The following TPCN2 variants were observed in gnomAD, a reference collection of about 807,000 sequenced individuals.
TPCN2 encodes two pore segment channel 2, also known as two pore channel protein 2.
Under a neutral mutation model 111.4 loss-of-function variants are expected in TPCN2, and 92 were observed. The ratio of observed to expected loss-of-function variants is 0.83; its 90% CI spans 0.70 to 0.98. TPCN2 has a LOEUF of 0.98. Among genes scored for constraint, TPCN2 ranks in the 50% least tolerant of loss-of-function variants. The probability of loss-of-function intolerance (pLI) is 0.00; values close to 1 mark genes in which losing one functional copy is unlikely to be tolerated. For synonymous variants in TPCN2, 405 were observed against 414.5 expected (o/e 0.98, Z 0.28); for missense variants, 995 against 980.1 (o/e 1.02, Z -0.20).
chr11:69,063,960 G>C lies in TPCN2; in HGVS notation c.719G>C (p.Gly240Ala). ...ATGTTCGGAATGCTGCTGTTCGCTG[G>C]TGGGAAGGTAGGGCACCCGTGGTCA... Reference protein sequence around the residue: ...FTMFGMLLFAGGKQDDGQDRE... With the variant: ...FTMFGMLLFAAGKQDDGQDRE... Residue 240 changes from glycine (G) to alanine (A), a missense_variant, in exon 7 of 25, where the codon GGT becomes GCT. By Grantham distance (60) the Gly-to-Ala change is moderately conservative. Transcript: ENST00000294309. 1.9e-6 allele frequency: 3 copies of C among 1,614,098 alleles called. No individual in the cohort carries two copies. The highest frequency in any genetic ancestry group is 2.5e-6 in the Non-Finnish European group (3 of 1,179,992).
At chr11:69,072,863 G>A in intron 12 of TPCN2, 52 bp from the exon 13 acceptor site, 2 of 1,554,736 alleles carry the variant, frequency 1.3e-6, no homozygotes, top group Non-Finnish European at 8.9e-7. Flanking sequence ...TCACCTTCGA[G>A]GGCGCTCACC....
intron 6 of TPCN2, among the ~76,000 whole-genome samples, chr11:69,063,221 A>G (rs1234404900): frequency 6.6e-6 from 1 of 151,510 alleles, no homozygotes; most frequent in Non-Finnish European, 1.5e-5. Flanking sequence ...AGGGCTGCAA[A>G]CACCGCGGCC....
rs1861089923 is a variant in TPCN2, at chr11:69,049,030, G to T, written c.33G>T (p.Leu11=). 1 of 1,241,450 alleles carries T rather than the reference G, an allele frequency of 8.1e-7. No homozygotes were observed. The highest frequency in any genetic ancestry group is 1.0e-6 in the Non-Finnish European group (1 of 988,498). The allele number at this position is 1,241,450 out of a possible 1,614,324, so 76.9% of individuals were successfully genotyped here. A position where few individuals can be genotyped will look rare whatever the true frequency, so the allele number is the denominator to read the frequency against. The change falls in exon 1 of 25, where the codon CTG becomes CTT. Residue 11 remains leucine, a synonymous_variant. Transcript: ENST00000294309. MAEPQAESEP[L]LGGARGGGGD... The stretch of plus-strand genomic sequence containing the variant: ...AACCCCAGGCGGAGTCGGAGCCCCT[G>T]CTGGGCGGGGCCCGCGGCGGTGGCG...
chr11:69,051,006 A>T (rs530091337), intron 1 of TPCN2, among the ~76,000 whole-genome samples: 1 of 152,238 alleles, frequency 6.6e-6, no homozygotes, highest in African/African-American at 2.4e-5. Flanking sequence ...GTCCCCAGCA[A>T]GGACTGGCAG....
intron 1 of TPCN2, among the ~76,000 whole-genome samples, chr11:69,052,644 A>C (rs1434767106): frequency 6.6e-6 from 1 of 151,984 alleles, no homozygotes; most frequent in African/African-American, 2.4e-5. Flanking sequence ...GGCCCCTCAC[A>C]CCTCTAATCC....
chr11:69,062,978 C>CG lies in TPCN2; in HGVS notation c.643dup (p.Glu215GlyfsTer31). 1.2e-6 allele frequency: 2 copies of CG among 1,613,884 alleles called. No homozygotes were observed. Among genetic ancestry groups the CG allele is most frequent in the South Asian group, 2.2e-5 (2 of 91,084 alleles). On this transcript the variant is annotated frameshift_variant, in exon 6 of 25. Coordinates refer to ENST00000294309, the MANE Select transcript of TPCN2 (RefSeq NM_139075.4). LOFTEE classifies it high-confidence loss of function. ...TTGAAATGCATCCGCTGGTCGCTGC[C>CG]GGAAATGGCCAGGTGGGCTCTTGGT... is the stretch of plus-strand genomic sequence containing the variant.
intron 20 of TPCN2, 57 bp from the exon 21 acceptor site, chr11:69,085,614 A>G (rs1201072345): frequency 3.5e-6 from 4 of 1,144,342 alleles, no homozygotes; most frequent in Admixed American, 1.7e-5. Flanking sequence ...GGTGTAAGGT[A>G]TCAGGCCTCA....
At chr11:69,085,591 A>G (rs902484367) in intron 20 of TPCN2, 80 bp from the exon 21 acceptor site, 1 of 972,358 alleles carries the variant, frequency 1.0e-6, no homozygotes, top group South Asian at 1.4e-5. Flanking sequence ...TGAGCACGCC[A>G]GCAGAGGAAA....
At chr11:69,049,169 C>T (rs906742701) in intron 1 of TPCN2, 63 bp downstream of exon 1, 5 of 1,055,382 alleles carry the variant, frequency 4.7e-6, no homozygotes, top group Non-Finnish European at 6.1e-6. Flanking sequence ...GTGGGGGTCC[C>T]GCTGTCCCAG....
intron 17 of TPCN2, 151 bp downstream of exon 17, chr11:69,080,034 G>A: frequency 1.4e-6 from 1 of 698,966 alleles, no homozygotes; most frequent in Non-Finnish European, 2.4e-6. Flanking sequence ...CGATCCCACA[G>A]CAGAGGCTGT....
chr11:69,059,835 GGGGCTGTCTC>G (rs1406496756), intron 5 of TPCN2, among the ~76,000 whole-genome samples: 3 of 152,242 alleles, frequency 2.0e-5, no homozygotes, highest in African/African-American at 7.2e-5. Flanking sequence ...CTGTTGTCAG[GGGGCTGTCTC>G]GGGCTGGTAC....
In TPCN2 at chr11:69,078,767, G is replaced by C; in HGVS notation, c.1384G>C (p.Ala462Pro). 1 of 1,614,086 alleles carries C rather than the reference G, an allele frequency of 6.2e-7. No individual in the cohort carries two copies. Among genetic ancestry groups the C allele is most frequent in the Non-Finnish European group, 8.5e-7 (1 of 1,180,044 alleles). The change falls in exon 15 of 25, where the codon GCT (alanine) becomes CCT (proline). Residue 462 changes from alanine (A) to proline (P), a missense_variant. By Grantham distance (27) the Ala-to-Pro change is conservative (BLOSUM62 -1). Coordinates refer to ENST00000294309, the MANE Select transcript of TPCN2 (RefSeq NM_139075.4). ...GGTGCTGGATGCAGATGTGCTGCCT[G>C]CTGAGCGTGATGACTTCATCCTGGG... is the stretch of plus-strand genomic sequence containing the variant. ...FLVLDADVLP[A>P]ERDDFILGIL...
chr11:69,075,927 G>C (rs1855732636), intron 13 of TPCN2, among the ~76,000 whole-genome samples: 3 of 152,220 alleles, frequency 2.0e-5, no homozygotes, highest in South Asian at 4.1e-4. Flanking sequence ...AGTCATATCA[G>C]TTATCTCTCA....
At chr11:69,080,830 A>G (rs914185987) in intron 17 of TPCN2, among the ~76,000 whole-genome samples, 5 of 152,148 alleles carry the variant, frequency 3.3e-5, no homozygotes, top group Admixed American at 2.6e-4. Context: ...GTTCTGAGTC[A>G]TTACCTTGGG....
At chr11:69,073,237 T>A (rs959981691) in intron 13 of TPCN2, among the ~76,000 whole-genome samples, 2 of 151,864 alleles carry the variant, frequency 1.3e-5, no homozygotes, top group Non-Finnish European at 2.9e-5. Context: ...CATGAAGGAG[T>A]CTTCCAAATG....
At position 69,081,496 on chromosome 11, in the gene TPCN2, G is replaced by A; in HGVS notation, c.1686G>A (p.Met562Ile). 1.9e-6 allele frequency: 3 copies of A among 1,560,376 alleles called. No homozygotes were observed. The highest frequency in any genetic ancestry group is 1.9e-5 in the Admixed American group (1 of 53,368). Residue 562 changes from methionine to isoleucine, a missense_variant, in exon 18 of 25, where the codon ATG (methionine) becomes ATA (isoleucine). Met to Ile is a conservative substitution (Grantham distance 10). Coordinates refer to ENST00000294309, the MANE Select transcript of TPCN2 (RefSeq NM_139075.4). ...VFRFLRIIPS[M>I]KLMAVVASTV... ...GCTTCCTGCGTATCATCCCCAGCATGAAGGTGTGTGCCGGCCCCACCCCCA... is the reference window on the plus strand; with the variant it reads ...GCTTCCTGCGTATCATCCCCAGCATAAAGGTGTGTGCCGGCCCCACCCCCA...
rs749124452 is a variant in TPCN2 at position 69,079,027 on chromosome 11, T to G, written c.1539+7T>G. 4 of 1,605,744 alleles carry G rather than the reference T, an allele frequency of 2.5e-6. No individual in the cohort carries two copies. The highest frequency in any genetic ancestry group is 3.4e-6 in the Non-Finnish European group (4 of 1,175,548). The stretch of plus-strand genomic sequence containing the variant: ...CCTCACCGTTGTCCTGCTGGTAAAG[T>G]AGGCGCATCCGAGGCCGGCCTCTAC... On this transcript the variant is annotated splice_region_variant and intron_variant, in intron 16 of 24. Transcript: ENST00000294309.
In TPCN2 at chr11:69,071,294, C is replaced by T; in HGVS notation, c.896-62C>T. On this transcript the variant is annotated intron_variant, in intron 9 of 24. Coordinates refer to ENST00000294309, the MANE Select transcript of TPCN2 (RefSeq NM_139075.4). Reference sequence around the variant, plus strand: ...CGCTGTGCTATCCTGTGCCGGCCACCCTTGCGTTGGTTTTGCTGCTGTACT... The same window carrying T: ...CGCTGTGCTATCCTGTGCCGGCCACTCTTGCGTTGGTTTTGCTGCTGTACT... 2.9e-6 allele frequency: 4 copies of T among 1,388,580 alleles called. No homozygotes were observed. The East Asian group carries it at 9.2e-5, about 32-fold the overall frequency. The allele number at this position is 1,388,580 out of a possible 1,614,324, so 86.0% of individuals were successfully genotyped here.
chr11:69,085,768 T>TGTCCCAGCACCCTGCTCCCC lies in TPCN2; in HGVS notation c.1920+18_1920+37dup, dbSNP rs1856245590. ...TGACTTTGCGGTGAGCCCTGCGCCC[T>TGTCCCAGCACCCTGCTCCCC]GTCCCAGCACCCTGCTCCCCGGGCT... On this transcript the variant is annotated intron_variant, in intron 21 of 24. Coordinates refer to ENST00000294309, the MANE Select transcript of TPCN2 (RefSeq NM_139075.4). 1 of 1,613,462 alleles carries TGTCCCAGCACCCTGCTCCCC rather than the reference T, an allele frequency of 6.2e-7. No homozygotes were observed. Among genetic ancestry groups the TGTCCCAGCACCCTGCTCCCC allele is most frequent in the African/African-American group, 1.3e-5 (1 of 74,818 alleles).
Sources: gnomAD v4.1 joint callset for allele counts (sites outside exome capture counted in the v4.1 genomes callset) on GRCh38, gnomAD v4.1.1 for gene constraint, MANE v1.5 for transcripts, NCBI Gene and HGNC (gene_info 2026-07-23, HGNC 2026-07-21) for gene names.